The following TNNI3K variants were observed in gnomAD, a reference collection of about 807,000 sequenced individuals.
TNNI3K encodes the protein TNNI3 interacting kinase, also known as serine/threonine-protein kinase TNNI3K.
Under a neutral mutation model 114.5 loss-of-function variants are expected in TNNI3K, and 140 were observed. The ratio of observed to expected loss-of-function variants is 1.22; its 90% CI spans 1.07 to 1.41. TNNI3K has a LOEUF of 1.41. Ranked by LOEUF, TNNI3K falls within the 40% of genes most tolerant of loss-of-function variation. The pLI, the probability that TNNI3K is intolerant of heterozygous loss-of-function variation, is 0.00. For synonymous variants in TNNI3K, 347 were observed against 347.5 expected (o/e 1.00, Z 0.02); for missense variants, 1,125 against 1,007.6 (o/e 1.12, Z -1.58).
intron 11 of TNNI3K, among the ~76,000 whole-genome samples, chr1:74,359,808 C>T (rs1045945969): frequency 2.6e-5 from 4 of 151,978 alleles, no homozygotes; most frequent in Admixed American, 2.0e-4. Flanking sequence ...CAACTGACTG[C>T]TTGATTTCTT....
intron 17 of TNNI3K, among the ~76,000 whole-genome samples, chr1:74,407,669 C>A (rs1664681668): frequency 6.6e-6 from 1 of 152,112 alleles, no homozygotes; most frequent in South Asian, 2.1e-4. Flanking sequence ...CTGACAGCTG[C>A]TGATCTTATA....
At chr1:74,526,055 C>CA (rs945009649) in intron 23 of TNNI3K, among the ~76,000 whole-genome samples, 7 of 151,662 alleles carry the variant, frequency 4.6e-5, no homozygotes, top group South Asian at 2.1e-4. Context: ...TAAAACAAAA[C>CA]AAAAAAAACA....
At chr1:74,389,454 G>T (rs1055655912) in intron 17 of TNNI3K, among the ~76,000 whole-genome samples, 5 of 152,112 alleles carry the variant, frequency 3.3e-5, no homozygotes, top group African/African-American at 4.8e-5. Flanking sequence ...ATATGGTAGA[G>T]GGCATTTGGA....
At chr1:74,374,089 A>G (rs1662751257) in intron 17 of TNNI3K, 2 of 152,036 alleles carry the variant, frequency 1.3e-5, no homozygotes, top group East Asian at 1.9e-4. Flanking sequence ...TTTTTGCACT[A>G]TATTGTCTAG....
intron 4 of TNNI3K, among the ~76,000 whole-genome samples, chr1:74,252,781 C>T (rs1007276689): frequency 2.6e-5 from 4 of 152,080 alleles, no homozygotes; most frequent in Admixed American, 2.0e-4. Context: ...TGCAGACCTT[C>T]GCGGTGAGTG....
At chr1:74,359,689 T>G (rs1394744055) in intron 11 of TNNI3K, among the ~76,000 whole-genome samples, 5 of 152,022 alleles carry the variant, frequency 3.3e-5, no homozygotes, top group Admixed American at 6.6e-5. Context: ...AAAACAATAT[T>G]TTAAAACTAT....
chr1:74,271,643 A>G lies in TNNI3K; in HGVS notation c.379A>G (p.Ile127Val), dbSNP rs200882816. The change falls in exon 5 of 25, where the codon ATA (isoleucine) becomes GTA (valine). Residue 127 changes from isoleucine (I) to valine (V), a missense_variant. Ile to Val is a conservative substitution (Grantham distance 29). Coordinates refer to ENST00000326637, the MANE Select transcript of TNNI3K (RefSeq NM_015978.3). The part of the protein sequence containing the change: ...ITSLLHSGAD[I>V]QQVGYGGLTA... ...TTCTCTGCTTCACAGTGGAGCTGATATACAGCAGGTTGGATACGGTGGCCT... is the reference window on the plus strand; with the variant it reads ...TTCTCTGCTTCACAGTGGAGCTGATGTACAGCAGGTTGGATACGGTGGCCT... 2 of 1,609,602 alleles carry G rather than the reference A, an allele frequency of 1.2e-6. No individual in the cohort carries two copies. The highest frequency in any genetic ancestry group is 2.2e-5 in the South Asian group (2 of 90,298).
At chr1:74,288,635 G>A (rs768616838) in intron 5 of TNNI3K, among the ~76,000 whole-genome samples, 32 of 151,968 alleles carry the variant, frequency 2.1e-4, no homozygotes, top group Non-Finnish European at 2.9e-4. Context: ...ACAGGGATGC[G>A]TTGGTCAAAG....
At chr1:74,441,203 C>T (rs997382115) in intron 20 of TNNI3K, among the ~76,000 whole-genome samples, 46 of 152,140 alleles carry the variant, frequency 3.0e-4, no homozygotes, top group African/African-American at 8.2e-4. Flanking sequence ...ATAACATTTC[C>T]ATCACTCCAA....
chr1:74,288,011 G>A (rs1657439051), intron 5 of TNNI3K, among the ~76,000 whole-genome samples: 2 of 151,842 alleles, frequency 1.3e-5, no homozygotes, highest in African/African-American at 2.4e-5. Flanking sequence ...TAATTATCAG[G>A]GAAATGCAAA....
chr1:74,349,584 G>A (rs1661215880), intron 9 of TNNI3K, among the ~76,000 whole-genome samples: 1 of 152,160 alleles, frequency 6.6e-6, no homozygotes, highest in Non-Finnish European at 1.5e-5. Flanking sequence ...GAATTCGGCT[G>A]TGAATCCATC....
Position 74,506,738 on chromosome 1 carries a change from CT to C in TNNI3K, c.2351+14476del, listed in dbSNP as rs1669922809. ...TATACAGTAACCAATCTCTGGGGAC[CT>C]TTTAGTTTTAGTGTACTGTATTTAG... On this transcript the variant is annotated intron_variant, in intron 23 of 24. Transcript: ENST00000326637. 1.3e-5 allele frequency among the ~76,000 whole-genome samples: 2 copies of C among 152,138 alleles called. 1 individual carries two copies. The highest frequency in any genetic ancestry group is 4.1e-4 in the South Asian group (2 of 4,832).
chr1:74,518,873 CCT>C (rs141727622), intron 23 of TNNI3K, among the ~76,000 whole-genome samples: 44,257 of 99,990 alleles, frequency 0.44, 9,919 homozygotes, highest in Admixed American at 0.52. Context: ...TTTTTTTTCC[CCT>C]TTTTTTTTTT....
chr1:74,375,080 A>G (rs1303286130), intron 17 of TNNI3K: 2 of 153,448 alleles, frequency 1.3e-5, no homozygotes, highest in Non-Finnish European at 2.9e-5. Flanking sequence ...CACAAAGTGC[A>G]CATGGCATTC....
intron 4 of TNNI3K, among the ~76,000 whole-genome samples, chr1:74,255,895 T>C (rs1655258761): frequency 6.6e-6 from 1 of 152,228 alleles, no homozygotes; most frequent in South Asian, 2.1e-4. Context: ...CTTTTCTATA[T>C]GGTTTCTTGC....
intron 5 of TNNI3K, among the ~76,000 whole-genome samples, chr1:74,311,897 A>G (rs1659016298): frequency 6.6e-6 from 1 of 152,190 alleles, no homozygotes. Context: ...ATTCTGGCCT[A>G]ATCATTAGTA....
chr1:74,329,562 A>G (rs1276639756), intron 5 of TNNI3K, among the ~76,000 whole-genome samples: 3 of 152,104 alleles, frequency 2.0e-5, no homozygotes, highest in Non-Finnish European at 2.9e-5. Flanking sequence ...CCCCGAGTGA[A>G]TAAATTATGA....
chr1:74,322,838 A>AAAAAC (rs1160362637), intron 5 of TNNI3K, among the ~76,000 whole-genome samples: 41 of 152,058 alleles, frequency 2.7e-4, no homozygotes, highest in Admixed American at 1.8e-3. Context: ...CTTATCTCTT[A>AAAAAC]AAAACAAAAC....
chr1:74,519,574 A>T (rs1267132304), intron 23 of TNNI3K, among the ~76,000 whole-genome samples: 3 of 152,146 alleles, frequency 2.0e-5, no homozygotes, highest in Non-Finnish European at 4.4e-5. Flanking sequence ...TGATTGCCTT[A>T]CTTTAAAAGT....
Sources: allele counts gnomAD v4.1 joint callset (sites outside exome capture counted in the v4.1 genomes callset), GRCh38; gene constraint gnomAD v4.1.1; transcripts MANE v1.5; gene names NCBI Gene and HGNC (gene_info 2026-07-23, HGNC 2026-07-21).